The following UGGT1 variants were observed in gnomAD, a reference collection of about 807,000 sequenced individuals.
The protein encoded by UGGT1 is UDP-glucose glycoprotein glucosyltransferase 1, also known as UDP-glucose:glycoprotein glucosyltransferase 1.
In UGGT1, 107 loss-of-function variants were observed where a neutral mutation model predicts 203.9. That is an observed-to-expected ratio of 0.52 (90% confidence interval 0.45 to 0.62). UGGT1 has a LOEUF of 0.62. Ranked by LOEUF, UGGT1 falls within the 20% of genes least tolerant of loss-of-function variation. UGGT1 has a pLI of 0.00. For missense variants in UGGT1, 1,673 were observed against 1,867.2 expected (o/e 0.90, Z 1.92); for synonymous variants, 628 against 653.5 (o/e 0.96, Z 0.59).
intron 27 of UGGT1, 110 bp downstream of exon 27, chr2:128,170,500 C>A: frequency 1.2e-6 from 1 of 843,902 alleles, no homozygotes; most frequent in Non-Finnish European, 2.0e-6. Flanking sequence ...AGGCACTGGA[C>A]AATGCTATGG....
chr2:128,168,142 A>T (rs865930839), intron 26 of UGGT1, among the ~76,000 whole-genome samples: 3 of 152,214 alleles, frequency 2.0e-5, no homozygotes, highest in Non-Finnish European at 1.5e-5. Context: ...GTTAAAATGC[A>T]GATTGCTGGA....
intron 31 of UGGT1, 71 bp from the exon 32 acceptor site, chr2:128,176,743 G>A (rs144961158): frequency 0.015 from 20,393 of 1,379,336 alleles, 171 homozygotes; most frequent in Middle Eastern, 0.027. Context: ...GATGGACTCA[G>A]ATGCTCTGAG....
chr2:128,190,944 T>C lies in UGGT1; in HGVS notation c.*1202T>C, dbSNP rs532224886. On this transcript the variant is annotated 3_prime_UTR_variant, in exon 41 of 41. Coordinates refer to ENST00000259253, the MANE Select transcript of UGGT1 (RefSeq NM_020120.4). ...CCCCATTTGCCTTTAGTCCCTGCTT[T>C]GTGTGTCTTCACTTCCACAGCCAGT... The C allele has an allele frequency of 4.8e-4, 73 of 152,348 alleles. No individual in the cohort carries two copies. The highest frequency in any genetic ancestry group is 7.5e-4 in the Non-Finnish European group (51 of 68,114). 9.4% of individuals were successfully genotyped at this position (152,348 alleles called of 1,614,324 possible). A position where few individuals can be genotyped will look rare whatever the true frequency, so the allele number is the denominator to read the frequency against.
intron 26 of UGGT1, among the ~76,000 whole-genome samples, chr2:128,166,709 T>G (rs1690808112): frequency 6.6e-6 from 1 of 152,306 alleles, no homozygotes; most frequent in South Asian, 2.1e-4. Context: ...TCCTCATGAT[T>G]AGATTTAATT....
intron 32 of UGGT1, among the ~76,000 whole-genome samples, chr2:128,177,343 A>G (rs917534792): frequency 2.0e-5 from 3 of 152,224 alleles, no homozygotes; most frequent in Admixed American, 1.3e-4. Context: ...AAGAATCATT[A>G]CACACAGTGA....
intron 25 of UGGT1, among the ~76,000 whole-genome samples, chr2:128,163,170 G>A (rs1299632122): frequency 1.3e-5 from 2 of 152,112 alleles, no homozygotes; most frequent in South Asian, 2.1e-4. Context: ...TTTTGTAACC[G>A]TGTTGACACA....
At chr2:128,093,360 C>G (rs912257690) in intron 1 of UGGT1, among the ~76,000 whole-genome samples, 2 of 152,034 alleles carry the variant, frequency 1.3e-5, no homozygotes, top group African/African-American at 4.8e-5. Flanking sequence ...ATGAATGAGG[C>G]CTGTGTTTAT....
At chr2:128,100,284 C>T (rs12692072) in intron 2 of UGGT1, among the ~76,000 whole-genome samples, 87,960 of 152,018 alleles carry the variant, frequency 0.58, 25,665 homozygotes, top group East Asian at 0.66. Context: ...GGTGATCTGC[C>T]CTCCTTGGCC....
intron 13 of UGGT1, among the ~76,000 whole-genome samples, chr2:128,129,580 G>C (rs1351378803): frequency 2.0e-5 from 3 of 151,790 alleles, no homozygotes; most frequent in African/African-American, 7.3e-5. Context: ...TGTATTTTTA[G>C]TATAGACGGG....
intron 31 of UGGT1, 52 bp downstream of exon 31, chr2:128,174,910 T>A (rs1315167599): frequency 6.7e-7 from 1 of 1,494,518 alleles, no homozygotes. Context: ...GAAATGAGCA[T>A]TAGCTCTAAT....
intron 21 of UGGT1, among the ~76,000 whole-genome samples, chr2:128,156,897 T>G (rs983653158): frequency 1.4e-4 from 21 of 152,316 alleles, no homozygotes; most frequent in African/African-American, 4.6e-4. Flanking sequence ...TATAAACATT[T>G]GTAAAGAATT....
At chr2:128,119,090 C>A (rs1688258124) in intron 8 of UGGT1, among the ~76,000 whole-genome samples, 1 of 152,168 alleles carries the variant, frequency 6.6e-6, no homozygotes, top group Admixed American at 6.5e-5. Context: ...CAGTTGGGCA[C>A]CCCAAGTCTG....
At chr2:128,116,553 G>A (rs147819566) in intron 8 of UGGT1, among the ~76,000 whole-genome samples, 1 of 151,910 alleles carries the variant, frequency 6.6e-6, no homozygotes, top group Non-Finnish European at 1.5e-5. Context: ...TGGAGACAGG[G>A]TCTCGCTGTG....
At chr2:128,113,416 A>AT (rs1379481639) in intron 6 of UGGT1, among the ~76,000 whole-genome samples, 158 bp downstream of exon 6, 2 of 152,204 alleles carry the variant, frequency 1.3e-5, no homozygotes, top group Non-Finnish European at 2.9e-5. Context: ...ATTTGCACAT[A>AT]TGATGTGCTT....
rs1266547264 is a variant in UGGT1, at chr2:128,155,602, G to A, written c.2236+15G>A. 13 of 1,589,440 alleles carry A rather than the reference G, an allele frequency of 8.2e-6. No homozygotes were observed. The highest frequency in any genetic ancestry group is 1.1e-5 in the Non-Finnish European group (13 of 1,165,580). Reference sequence around the variant, plus strand: ...GACAAAGAAAGGTAATCCATTTGAGGCTTATTATCTTGCATTCAACATTTT... The same window carrying A: ...GACAAAGAAAGGTAATCCATTTGAGACTTATTATCTTGCATTCAACATTTT... On this transcript the variant is annotated intron_variant, in intron 20 of 40. Transcript: ENST00000259253.
intron 25 of UGGT1, among the ~76,000 whole-genome samples, chr2:128,162,499 G>A (rs752086902): frequency 2.0e-5 from 3 of 152,022 alleles, no homozygotes; most frequent in Non-Finnish European, 4.4e-5. Flanking sequence ...GAGTTCAAGA[G>A]CATGTTTTAG....
intron 26 of UGGT1, among the ~76,000 whole-genome samples, chr2:128,167,755 G>C (rs1051259376): frequency 5.3e-5 from 8 of 152,056 alleles, no homozygotes; most frequent in African/African-American, 1.7e-4. Flanking sequence ...TGTTCATATT[G>C]TTCCCATTTC....
chr2:128,096,311 C>T (rs1282930114), intron 1 of UGGT1, among the ~76,000 whole-genome samples: 1 of 152,086 alleles, frequency 6.6e-6, no homozygotes, highest in Non-Finnish European at 1.5e-5. Context: ...TGTTAGTTTC[C>T]TAGGGCTACC....
chr2:128,116,447 C>A, intron 8 of UGGT1, 104 bp downstream of exon 8: 2 of 722,024 alleles, frequency 2.8e-6, no homozygotes, highest in Non-Finnish European at 4.9e-6. Context: ...CTGAGTTTCT[C>A]ATCTCCTAAC....
Sources: gnomAD v4.1 joint callset for allele counts (sites outside exome capture counted in the v4.1 genomes callset) on GRCh38, gnomAD v4.1.1 for gene constraint, MANE v1.5 for transcripts, NCBI Gene and HGNC (gene_info 2026-07-23, HGNC 2026-07-21) for gene names.